AEBP2: variants seen among roughly 807,000 people sequenced by gnomAD.
AEBP2 encodes AE binding protein 2, also known as zinc finger protein AEBP2.
In AEBP2, 10 loss-of-function variants were observed where a neutral mutation model predicts 50.8. That is an observed-to-expected ratio of 0.20 (90% CI 0.12 to 0.33). The LOEUF is 0.33. AEBP2 is among the 10% of genes least tolerant of loss of function. The pLI, the probability that AEBP2 is intolerant of heterozygous loss-of-function variation, is 1.00. For missense variants in AEBP2, 570 were observed against 688.0 expected, an observed-to-expected ratio of 0.83 and a Z score of 1.92; for synonymous variants, 296 against 261.3, an observed-to-expected ratio of 1.13 and a Z score of -1.28.
In AEBP2 at chr12:19,439,899, G is replaced by A. The variant is rs1056811830; in HGVS notation, c.200G>A (p.Gly67Asp). 1.3e-6 allele frequency: 2 copies of A among 1,485,686 alleles called. No individual in the cohort carries two copies. The highest frequency in any genetic ancestry group is 4.4e-5 in the Admixed American group (2 of 45,204). 92.0% of individuals were successfully genotyped at this position (1,485,686 alleles called of 1,614,324 possible). A position where few individuals can be genotyped will look rare whatever the true frequency, so the allele number is the denominator to read the frequency against. The change falls in exon 1 of 8, where the codon GGC becomes GAC. Residue 67 changes from glycine to aspartate, a missense_variant. This residue lies in a region of AEBP2 where 386 missense variants were observed against 336.8 expected (regional missense o/e 1.15). Transcript: ENST00000266508. ...CTGAACGGCGGCAGCGGTGGGGGCG[G>A]CGGAGGCGGCGGCGGAGGAGTGGGG... The part of the protein sequence containing the change: ...LLLNGGSGGG[G>D]GGGGGGVGGG...
intron 5 of AEBP2, among the ~76,000 whole-genome samples, chr12:19,511,005 G>A (rs1255845499): frequency 6.6e-6 from 1 of 150,856 alleles, no homozygotes; most frequent in African/African-American, 2.4e-5. Context: ...CCATAACCTG[G>A]CTAATTTTTT....
rs1226295756 is a variant in AEBP2 at position 19,493,806 on chromosome 12, G to A, written c.994G>A (p.Val332Ile). The change falls in exon 4 of 8, where the codon GTT (valine) becomes ATT (isoleucine). Residue 332 changes from valine (V) to isoleucine (I), a missense_variant. Coordinates refer to ENST00000266508, the MANE Select transcript of AEBP2 (RefSeq NM_153207.5). ...CTGTTTTATTTTCTTTTAGTGTGTT[G>A]TTGGTGGCTGCAATGCCAGCTTTGC... ...HSGDKPFKCV[V>I]GGCNASFASQ... is the part of the protein sequence containing the mutation. 1 of 1,613,288 alleles carries A rather than the reference G, an allele frequency of 6.2e-7. No homozygotes were observed. The highest frequency in any genetic ancestry group is 1.3e-5 in the African/African-American group (1 of 74,884).
At chr12:19,447,362 G>A (rs1948090316) in intron 1 of AEBP2, among the ~76,000 whole-genome samples, 1 of 152,150 alleles carries the variant, frequency 6.6e-6, no homozygotes, top group South Asian at 2.1e-4. Context: ...ATGGGTAATT[G>A]TTTACCATTT....
chr12:19,446,967 T>G (rs1948081597), intron 1 of AEBP2, among the ~76,000 whole-genome samples: 1 of 151,920 alleles, frequency 6.6e-6, no homozygotes, highest in East Asian at 1.9e-4. Context: ...AGTTGGAACG[T>G]GTTGTATAGT....
At chr12:19,491,375 A>G (rs942547720) in intron 3 of AEBP2, among the ~76,000 whole-genome samples, 3 of 152,190 alleles carry the variant, frequency 2.0e-5, no homozygotes, top group Non-Finnish European at 4.4e-5. Context: ...GCCTCTATTC[A>G]GGGTTTCCCA....
intron 1 of AEBP2, among the ~76,000 whole-genome samples, chr12:19,420,094 A>G (rs2095744826): frequency 6.8e-6 from 1 of 146,540 alleles, no homozygotes; most frequent in African/African-American, 2.5e-5. Flanking sequence ...CACGATCTCA[A>G]CTCACTGCAA....
chr12:19,510,864 A>AATTTTTTTT (rs1298542564), intron 5 of AEBP2, among the ~76,000 whole-genome samples: 1 of 14,188 alleles, frequency 7.0e-5, no homozygotes, highest in Non-Finnish European at 1.2e-4. Context: ...TAAGGTAGTG[A>AATTTTTTTT]CTTTTTTTTT....
intron 5 of AEBP2, among the ~76,000 whole-genome samples, chr12:19,501,493 C>A (rs1949073851): frequency 1.3e-5 from 2 of 151,790 alleles, no homozygotes. Flanking sequence ...AAAAATTAGC[C>A]AGGCATAGTG....
In AEBP2 at chr12:19,444,152, TA is replaced by T. The variant is rs1390100861; in HGVS notation, c.671+3790del. The stretch of plus-strand genomic sequence containing the variant: ...TTAATTTCAGAGGCTATGGTAACTT[TA>T]AAAAAAATTTAAAAAATTTTAAACA... On this transcript the variant is annotated intron_variant, in intron 1 of 7. Transcript: ENST00000266508. Among the ~76,000 whole-genome samples, 5 of 152,084 alleles carry T rather than the reference TA, an allele frequency of 3.3e-5. No homozygotes were observed. In the East Asian group the frequency reaches 5.8e-4, roughly 18 times the overall value.
intron 1 of AEBP2, among the ~76,000 whole-genome samples, chr12:19,451,295 A>T (rs910802026): frequency 2.0e-5 from 3 of 152,180 alleles, no homozygotes; most frequent in African/African-American, 7.2e-5. Context: ...TGGAATCAGA[A>T]TGCCCACTGA....
chr12:19,456,564 T>G (rs1314339539), intron 1 of AEBP2: 8 of 1,539,056 alleles, frequency 5.2e-6, no homozygotes, highest in Admixed American at 3.3e-5. Context: ...TACAGGGGCA[T>G]AGCCAGCACT....
rs545234862 is a variant in AEBP2, at chr12:19,470,974, G to GT, written c.880-2266dup. On this transcript the variant is annotated intron_variant, in intron 2 of 7. Coordinates refer to ENST00000266508, the MANE Select transcript of AEBP2 (RefSeq NM_153207.5). ...ATTAGGTTGGTGCACAAGTAATTGC[G>GT]TTTTTTTTCAATTAATGGCAAAAAC... 2.9e-4 allele frequency among the ~76,000 whole-genome samples: 43 copies of GT among 150,672 alleles called. No individual in the cohort carries two copies. In the South Asian group the frequency reaches 7.7e-3, roughly 27 times the overall value.
chr12:19,513,096 G>C (rs1171740785), intron 6 of AEBP2, among the ~76,000 whole-genome samples: 2 of 152,108 alleles, frequency 1.3e-5, no homozygotes, highest in Non-Finnish European at 2.9e-5. Flanking sequence ...AAAGTAGTTA[G>C]AGAAAATTTA....
At chr12:19,462,914 G>GTT (rs1452469165) in intron 2 of AEBP2, among the ~76,000 whole-genome samples, 197 bp downstream of exon 2, 1 of 152,102 alleles carries the variant, frequency 6.6e-6, no homozygotes, top group Non-Finnish European at 1.5e-5. Flanking sequence ...CTGGATTTTA[G>GTT]TTTGTTTTTA....
At chr12:19,492,596 T>TA (rs1003368396) in intron 3 of AEBP2, among the ~76,000 whole-genome samples, 3 of 151,608 alleles carry the variant, frequency 2.0e-5, no homozygotes, top group Admixed American at 6.6e-5. Flanking sequence ...CAAAATAAAA[T>TA]AAAAAAAATT....
intron 3 of AEBP2, among the ~76,000 whole-genome samples, chr12:19,485,541 T>C (rs1948794326): frequency 2.0e-5 from 3 of 151,390 alleles, no homozygotes; most frequent in Admixed American, 1.3e-4. Flanking sequence ...ACCCTGTCTG[T>C]ACAAAAAAAA....
Position 19,456,204 on chromosome 12 carries a change from C to A in AEBP2, c.672-6306C>A. 2.2e-6 allele frequency: 3 copies of A among 1,357,054 alleles called. No individual in the cohort carries two copies. In the Admixed American group the frequency reaches 5.4e-5, roughly 25 times the overall value. 84.1% of individuals were successfully genotyped at this position (1,357,054 alleles called of 1,614,324 possible). On this transcript the variant is annotated intron_variant, in intron 1 of 7. Transcript: ENST00000266508. ...AAACAGTTCTGAGACCATTCTTCCA[C>A]CACTGATTAAGACCGGGGTGGCAGG... is the stretch of plus-strand genomic sequence containing the variant.
chr12:19,408,627 C>T (rs2095737601), intron 1 of AEBP2, among the ~76,000 whole-genome samples: 1 of 150,422 alleles, frequency 6.6e-6, no homozygotes, highest in Non-Finnish European at 1.5e-5. Context: ...CAAGGCCGGG[C>T]GCGGTGACTC....
At chr12:19,419,720 C>T (rs548963741) in intron 1 of AEBP2, among the ~76,000 whole-genome samples, 72 of 152,146 alleles carry the variant, frequency 4.7e-4, no homozygotes, top group Non-Finnish European at 8.8e-4. Flanking sequence ...GACTGAACTC[C>T]GGAGTTTGAG....
Sources: allele counts gnomAD v4.1 joint callset (sites outside exome capture counted in the v4.1 genomes callset), GRCh38; gene constraint gnomAD v4.1.1; regional missense constraint gnomAD v4.1.1; transcripts MANE v1.5; gene names NCBI Gene and HGNC (gene_info 2026-07-23, HGNC 2026-07-21).